Variants in NEDD4L observed in about 807,000 individuals in gnomAD.
The protein encoded by NEDD4L is NEDD4 like E3 ubiquitin protein ligase, also known as E3 ubiquitin-protein ligase NEDD4-like.
A neutral mutation model predicts 148.9 loss-of-function variants in NEDD4L; 54 were observed. That is an observed-to-expected ratio of 0.36 (90% CI 0.29 to 0.45). NEDD4L has a LOEUF of 0.45. Ranked by LOEUF, NEDD4L falls within the 20% of genes least tolerant of loss-of-function variation. The pLI is 1.00. For synonymous variants in NEDD4L, 433 were observed against 440.7 expected (o/e 0.98, Z 0.22); for missense variants, 856 against 1,233.8 (o/e 0.69, Z 4.59).
chr18:58,234,516 G>T (rs149058022), intron 2 of NEDD4L, among the ~76,000 whole-genome samples: 1 of 151,508 alleles, frequency 6.6e-6, no homozygotes, highest in South Asian at 2.1e-4. Flanking sequence ...AAAAAAAATC[G>T]TAGAGATAGG....
chr18:58,297,392 G>C (rs192971802), intron 5 of NEDD4L, among the ~76,000 whole-genome samples: 21 of 152,294 alleles, frequency 1.4e-4, no homozygotes, highest in Admixed American at 1.2e-3. Flanking sequence ...AACATACTAC[G>C]TGTTGATGCT....
chr18:58,092,015 T>C (rs2084101100), intron 1 of NEDD4L, among the ~76,000 whole-genome samples: 1 of 152,248 alleles, frequency 6.6e-6, no homozygotes. Flanking sequence ...TCTCTGGAAC[T>C]CATGACTCTG....
intron 1 of NEDD4L, among the ~76,000 whole-genome samples, chr18:58,072,868 GCGCGCACACACACA>G (rs148219365): frequency 0.079 from 9,124 of 115,720 alleles, 344 homozygotes; most frequent in East Asian, 0.17. Context: ...GCGCGCGCGC[GCGCGCACACACACA>G]CACACACACA....
chr18:58,270,747 A>T (rs746011839), intron 5 of NEDD4L, among the ~76,000 whole-genome samples: 1 of 152,030 alleles, frequency 6.6e-6, no homozygotes. Flanking sequence ...AGTTACTACT[A>T]CTTGTGGCTC....
chr18:58,176,724 TG>T (rs2038200870), intron 2 of NEDD4L, among the ~76,000 whole-genome samples: 1 of 152,210 alleles, frequency 6.6e-6, no homozygotes, highest in African/African-American at 2.4e-5. Context: ...CCCTGACTCC[TG>T]ATGCATGGAT....
chr18:58,290,333 G>A (rs528347055), intron 5 of NEDD4L, among the ~76,000 whole-genome samples: 22 of 152,314 alleles, frequency 1.4e-4, no homozygotes, highest in African/African-American at 5.3e-4. Flanking sequence ...ATCCACATTC[G>A]TCATTGAACT....
chr18:58,106,111 C>T (rs1473558501), intron 1 of NEDD4L, among the ~76,000 whole-genome samples: 1 of 152,210 alleles, frequency 6.6e-6, no homozygotes, highest in African/African-American at 2.4e-5. Flanking sequence ...TCACCTGAGG[C>T]CCCATCTGGG....
intron 2 of NEDD4L, among the ~76,000 whole-genome samples, chr18:58,203,395 A>C (rs1390387577): frequency 6.6e-6 from 1 of 152,244 alleles, no homozygotes; most frequent in Non-Finnish European, 1.5e-5. Context: ...AAAATAAAAT[A>C]AAAGTCTTTA....
chr18:58,227,785 C>T (rs1199126700), intron 2 of NEDD4L: 1 of 547,502 alleles, frequency 1.8e-6, no homozygotes, highest in African/African-American at 2.1e-5. Flanking sequence ...TTATTAATTG[C>T]CTCTTGTTCA....
chr18:58,195,404 C>T (rs959923111), intron 2 of NEDD4L: 6 of 1,273,706 alleles, frequency 4.7e-6, no homozygotes, highest in Middle Eastern at 3.4e-4. Flanking sequence ...CCGTGTTCCC[C>T]ACATTTGAAT....
chr18:58,280,824 A>G (rs1238819593), intron 5 of NEDD4L, among the ~76,000 whole-genome samples: 1 of 152,196 alleles, frequency 6.6e-6, no homozygotes, highest in Non-Finnish European at 1.5e-5. Context: ...TAACCAAGAA[A>G]TTCATTCATT....
In NEDD4L at chr18:58,316,013, T is replaced by C; in HGVS notation, c.329T>C (p.Val110Ala). Residue 110 changes from valine to alanine, a missense_variant, in exon 6 of 31, where the codon GTG (valine) becomes GCG (alanine). Transcript: ENST00000400345. ...GACGACTTCCTGGGCCAGGTGGACG[T>C]GCCCCTTAGTCACCTTCCGGTAAGG... ...TRDDFLGQVD[V>A]PLSHLPTEDP... is the part of the protein sequence containing the mutation. The C allele has an allele frequency of 6.2e-7, 1 of 1,613,734 alleles. No individual in the cohort carries two copies. Among genetic ancestry groups the C allele is most frequent in the Non-Finnish European group, 8.5e-7 (1 of 1,179,606 alleles).
intron 1 of NEDD4L, among the ~76,000 whole-genome samples, chr18:58,104,788 A>G (rs999228134): frequency 2.0e-5 from 3 of 152,060 alleles, no homozygotes; most frequent in South Asian, 2.1e-4. Flanking sequence ...TTCAGCTTCT[A>G]TGGACATTCT....
At chr18:58,226,664 G>A in intron 2 of NEDD4L, among the ~76,000 whole-genome samples, 1 of 152,204 alleles carries the variant, frequency 6.6e-6, no homozygotes, top group East Asian at 1.9e-4. Flanking sequence ...GGGACCTACT[G>A]TGGTCTTAAG....
In NEDD4L at chr18:58,044,388, A is replaced by C; in HGVS notation, c.-273A>C. On this transcript the variant is annotated 5_prime_UTR_variant, in exon 1 of 31. Transcript: ENST00000400345. ...GTCTGCGCCGCCGCCGCGCGCAGTG[A>C]GAGGCGCCGGGGCTGCCGCCCGGTG... is the stretch of plus-strand genomic sequence containing the variant. 1 of 216,014 alleles carries C rather than the reference A, an allele frequency of 4.6e-6. No homozygotes were observed. Among genetic ancestry groups the C allele is most frequent in the Non-Finnish European group, 8.9e-6 (1 of 111,818 alleles). The allele number at this position is 216,014 out of a possible 1,614,324, so 13.4% of individuals were successfully genotyped here.
chr18:58,376,386 A>G (rs2047560895), intron 24 of NEDD4L, among the ~76,000 whole-genome samples: 1 of 152,236 alleles, frequency 6.6e-6, no homozygotes, highest in African/African-American at 2.4e-5. Flanking sequence ...GATAAGAATT[A>G]GGTGCCCAGT....
intron 1 of NEDD4L, among the ~76,000 whole-genome samples, chr18:58,062,089 A>G (rs889647247): frequency 6.6e-6 from 1 of 152,206 alleles, no homozygotes; most frequent in South Asian, 2.1e-4. Flanking sequence ...GTGTATTTTA[A>G]GATAGTCTTT....
intron 2 of NEDD4L, among the ~76,000 whole-genome samples, chr18:58,176,562 T>C (rs1034204430): frequency 6.6e-6 from 1 of 152,198 alleles, no homozygotes; most frequent in Non-Finnish European, 1.5e-5. Flanking sequence ...CTCAAACTCC[T>C]GACCTCAAGT....
chr18:58,266,130 C>T (rs369510313), intron 5 of NEDD4L, among the ~76,000 whole-genome samples: 7 of 151,932 alleles, frequency 4.6e-5, no homozygotes, highest in East Asian at 1.9e-4. Flanking sequence ...TTGAACAAAT[C>T]GTATTCAATT....
Sources: allele counts gnomAD v4.1 joint callset (sites outside exome capture counted in the v4.1 genomes callset), GRCh38; gene constraint gnomAD v4.1.1; transcripts MANE v1.5; gene names NCBI Gene and HGNC (gene_info 2026-07-23, HGNC 2026-07-21).